Variants in SH3RF3 observed in about 807,000 individuals in gnomAD.
SH3RF3 encodes the protein E3 ubiquitin-protein ligase SH3RF3.
Under a neutral mutation model 66.3 loss-of-function variants are expected in SH3RF3, and 29 were observed. The ratio of observed to expected loss-of-function variants is 0.44; its 90% CI spans 0.33 to 0.60. SH3RF3 has a LOEUF of 0.60. Among genes scored for constraint, SH3RF3 ranks in the 20% least tolerant of loss-of-function variants. SH3RF3 has a pLI of 0.04. For missense variants in SH3RF3, 1,194 were observed against 1,190.9 expected (o/e 1.00, Z -0.04); for synonymous variants, 583 against 532.0 (o/e 1.10, Z -1.32).
At chr2:109,451,054 C>T (rs1055045473) in intron 8 of SH3RF3, among the ~76,000 whole-genome samples, 1 of 152,214 alleles carries the variant, frequency 6.6e-6, no homozygotes, top group Non-Finnish European at 1.5e-5. Flanking sequence ...GGGAACGCTG[C>T]AGACATGGGC....
At chr2:109,231,561 A>G (rs1679516211) in intron 1 of SH3RF3, among the ~76,000 whole-genome samples, 1 of 152,144 alleles carries the variant, frequency 6.6e-6, no homozygotes, top group African/African-American at 2.4e-5. Context: ...TTTTTGCTGT[A>G]TTTCTTTATT....
intron 1 of SH3RF3, among the ~76,000 whole-genome samples, chr2:109,328,153 C>T (rs1436897853): frequency 6.6e-6 from 1 of 152,220 alleles, no homozygotes; most frequent in Non-Finnish European, 1.5e-5. Flanking sequence ...CATTGTCACA[C>T]TGTCAGAATT....
intron 1 of SH3RF3, among the ~76,000 whole-genome samples, chr2:109,287,472 G>GT (rs1681054201): frequency 6.6e-6 from 1 of 152,190 alleles, no homozygotes; most frequent in African/African-American, 2.4e-5. Context: ...ATACCTAAGA[G>GT]AGATACCTCC....
At chr2:109,316,757 C>T (rs1373276396) in intron 1 of SH3RF3, among the ~76,000 whole-genome samples, 1 of 152,182 alleles carries the variant, frequency 6.6e-6, no homozygotes, top group Non-Finnish European at 1.5e-5. Context: ...TAGAGTTTCA[C>T]ACTCAGTACT....
chr2:109,165,118 C>T (rs1164288078), intron 1 of SH3RF3, among the ~76,000 whole-genome samples: 2 of 152,200 alleles, frequency 1.3e-5, no homozygotes, highest in Non-Finnish European at 2.9e-5. Context: ...CCTGGCTTCC[C>T]CCCTCCTTTA....
chr2:109,491,048 G>A, intron 9 of SH3RF3, 112 bp downstream of exon 9: 1 of 1,051,002 alleles, frequency 9.5e-7, no homozygotes, highest in Non-Finnish European at 1.3e-6. Flanking sequence ...AGGTTTACCA[G>A]ATGTACCTCA....
chr2:109,181,002 A>G (rs766214119), intron 1 of SH3RF3, among the ~76,000 whole-genome samples: 5 of 152,166 alleles, frequency 3.3e-5, no homozygotes, highest in Non-Finnish European at 5.9e-5. Flanking sequence ...TTCCAATCCT[A>G]CTTACCAATT....
intron 1 of SH3RF3, among the ~76,000 whole-genome samples, chr2:109,229,799 T>C (rs1303307041): frequency 6.6e-6 from 1 of 151,314 alleles, no homozygotes; most frequent in East Asian, 2.0e-4. Context: ...GGTATGTGTT[T>C]AGATTTTTTT....
intron 1 of SH3RF3, among the ~76,000 whole-genome samples, chr2:109,164,482 C>T (rs1316871196): frequency 6.6e-6 from 1 of 152,186 alleles, no homozygotes; most frequent in Non-Finnish European, 1.5e-5. Context: ...CAGTATTTGG[C>T]CCTATTTAAT....
chr2:109,242,758 C>G (rs938825372), intron 1 of SH3RF3, among the ~76,000 whole-genome samples: 1 of 152,140 alleles, frequency 6.6e-6, no homozygotes, highest in Non-Finnish European at 1.5e-5. Context: ...GATCTTCTTT[C>G]CCCAGTGACG....
At chr2:109,265,796 C>A (rs1680477043) in intron 1 of SH3RF3, among the ~76,000 whole-genome samples, 1 of 152,074 alleles carries the variant, frequency 6.6e-6, no homozygotes, top group Non-Finnish European at 1.5e-5. Context: ...TTTTAATATG[C>A]AGGGTTGCAA....
intron 1 of SH3RF3, among the ~76,000 whole-genome samples, chr2:109,164,943 A>G (rs1384889062): frequency 6.6e-6 from 1 of 152,192 alleles, no homozygotes; most frequent in Non-Finnish European, 1.5e-5. Context: ...TAAAAATGAC[A>G]ATGGGGAGGT....
intron 1 of SH3RF3, among the ~76,000 whole-genome samples, chr2:109,308,467 C>A (rs1681652897): frequency 1.4e-5 from 1 of 71,990 alleles, no homozygotes; most frequent in South Asian, 5.2e-4. Context: ...GTTGCCATTG[C>A]TTTTGGTGTT....
At chr2:109,283,797 GTGTT>G (rs1376246918) in intron 1 of SH3RF3, among the ~76,000 whole-genome samples, 1 of 152,202 alleles carries the variant, frequency 6.6e-6, no homozygotes, top group Non-Finnish European at 1.5e-5. Flanking sequence ...CTGGCTCCTT[GTGTT>G]TGTTCTCTCT....
At chr2:109,453,662 G>A (rs752363214) in intron 8 of SH3RF3, among the ~76,000 whole-genome samples, 4 of 152,212 alleles carry the variant, frequency 2.6e-5, no homozygotes, top group African/African-American at 9.7e-5. Context: ...CTGGCAGAGC[G>A]CAGGCACACG....
intron 1 of SH3RF3, among the ~76,000 whole-genome samples, chr2:109,269,383 A>T (rs541462520): frequency 1.3e-5 from 2 of 152,148 alleles, no homozygotes; most frequent in African/African-American, 4.8e-5. Context: ...TTTCCAGAAA[A>T]CACTGGTGCT....
rs559540756 is a variant in SH3RF3 at position 109,485,346 on chromosome 2, G to T, written c.2149-5259G>T. Among the ~76,000 whole-genome samples the T allele has an allele frequency of 3.9e-5, 6 of 152,338 alleles. No individual in the cohort carries two copies. In the South Asian group the frequency reaches 1.2e-3, roughly 32 times the overall value. On this transcript the variant is annotated intron_variant, in intron 8 of 9. Coordinates refer to ENST00000309415, the MANE Select transcript of SH3RF3 (RefSeq NM_001099289.3). Reference sequence around the variant, plus strand: ...TTACTTCATTTTCATGAAATGACTTGTATCTCTGTTTAATGTTGCTTTTTG... The same window carrying T: ...TTACTTCATTTTCATGAAATGACTTTTATCTCTGTTTAATGTTGCTTTTTG...
At chr2:109,218,909 G>T (rs944058913) in intron 1 of SH3RF3, among the ~76,000 whole-genome samples, 1 of 152,176 alleles carries the variant, frequency 6.6e-6, no homozygotes, top group Admixed American at 6.5e-5. Flanking sequence ...CAAGAACCAG[G>T]TGAGAGCCCT....
At chr2:109,201,040 C>T (rs1678659681) in intron 1 of SH3RF3, among the ~76,000 whole-genome samples, 1 of 152,160 alleles carries the variant, frequency 6.6e-6, no homozygotes, top group African/African-American at 2.4e-5. Flanking sequence ...GGGTGGGACC[C>T]TGTGAGCTGG....
Sources: allele counts gnomAD v4.1 joint callset (sites outside exome capture counted in the v4.1 genomes callset), GRCh38; gene constraint gnomAD v4.1.1; transcripts MANE v1.5; gene names NCBI Gene and HGNC (gene_info 2026-07-23, HGNC 2026-07-21).